Variants in MYBL1 observed in about 807,000 individuals in gnomAD.
MYBL1 encodes the protein MYB proto-oncogene like 1.
A neutral mutation model predicts 96.3 loss-of-function variants in MYBL1; 17 were observed. That is an observed-to-expected ratio of 0.18 (90% CI 0.12 to 0.26). The LOEUF is 0.26. Ranked by LOEUF, MYBL1 falls within the 10% of genes least tolerant of loss-of-function variation. The pLI is 1.00. For missense variants in MYBL1, 701 were observed against 882.9 expected, an observed-to-expected ratio of 0.79 and a Z score of 2.61; for synonymous variants, 282 against 292.7, an observed-to-expected ratio of 0.96 and a Z score of 0.37.
At position 66,563,423 on chromosome 8, in the gene MYBL1, T is replaced by C. The variant is rs1402590131; in HGVS notation, c.*1274A>G. On this transcript the variant is annotated 3_prime_UTR_variant, in exon 16 of 16. Transcript: ENST00000522677. ...TACCACAAAAGCAAATAAAAATTCT[T>C]TCAAGAAGAAATAAAATAAGTGCAA... 6.6e-6 allele frequency: 1 copy of C among 152,546 alleles called. No individual in the cohort carries two copies. The highest frequency in any genetic ancestry group is 2.4e-5 in the African/African-American group (1 of 41,432). 9.4% of individuals were successfully genotyped at this position (152,546 alleles called of 1,614,324 possible).
Position 66,594,298 on chromosome 8 carries a change from A to G in MYBL1, c.688-1104T>C, listed in dbSNP as rs188803429. Among the ~76,000 whole-genome samples the G allele has an allele frequency of 4.3e-4, 66 of 152,314 alleles. No individual in the cohort carries two copies. In the Middle Eastern group the frequency reaches 0.01, roughly 24 times the overall value. On this transcript the variant is annotated intron_variant, in intron 6 of 15. Transcript: ENST00000522677. ...CTCGATTAGTACCACTTATTGCTCA[A>G]CTTGGTAACTCTAATGAATTAGAAA...
intron 8 of MYBL1, among the ~76,000 whole-genome samples, chr8:66,583,902 T>C (rs545555870): frequency 1.8e-4 from 28 of 152,296 alleles, no homozygotes; most frequent in African/African-American, 6.7e-4. Context: ...GAACTATCAA[T>C]TCTTTTCCAA....
intron 1 of MYBL1, among the ~76,000 whole-genome samples, chr8:66,605,478 C>A (rs1442519471): frequency 6.6e-6 from 1 of 152,072 alleles, no homozygotes; most frequent in Non-Finnish European, 1.5e-5. Context: ...AAAGAAAAAG[C>A]AATTTTAAAG....
At position 66,589,358 on chromosome 8, in the gene MYBL1, G is replaced by A. The variant is rs1271298572; in HGVS notation, c.867+3082C>T. Among the ~76,000 whole-genome samples, 4 of 151,612 alleles carry A rather than the reference G, an allele frequency of 2.6e-5. No homozygotes were observed. In the South Asian group the frequency reaches 8.3e-4, roughly 32 times the overall value. On this transcript the variant is annotated intron_variant, in intron 8 of 15. Coordinates refer to ENST00000522677, the MANE Select transcript of MYBL1 (RefSeq NM_001080416.4). ...GACAGGTTCTTGCTCTGTCACCCAG[G>A]CTGAAGTGCAGTGATATGATCATAG... is the stretch of plus-strand genomic sequence containing the variant.
chr8:66,573,543 A>G lies in MYBL1; in HGVS notation c.1471-37T>C, dbSNP rs368926594. 15 of 1,527,528 alleles carry G rather than the reference A, an allele frequency of 9.8e-6. No homozygotes were observed. In the African/African-American group the frequency reaches 1.8e-4, roughly 18 times the overall value. The allele number at this position is 1,527,528 out of a possible 1,614,324, so 94.6% of individuals were successfully genotyped here. On this transcript the variant is annotated intron_variant, in intron 10 of 15. Transcript: ENST00000522677. ...AGAGAGTTTAAAGACGACTTCTAGA[A>G]CATCAAAATCCCTACACAAATATTA...
At chr8:66,604,228 A>G (rs1428292977) in intron 1 of MYBL1, among the ~76,000 whole-genome samples, 1 of 152,186 alleles carries the variant, frequency 6.6e-6, no homozygotes, top group East Asian at 1.9e-4. Flanking sequence ...CTGGGTAGCC[A>G]TTTTTTAAAA....
intron 8 of MYBL1, among the ~76,000 whole-genome samples, chr8:66,589,883 AACATAGGGAAATCTCGTCTCT>A (rs1809569204): frequency 6.6e-6 from 1 of 152,176 alleles, no homozygotes; most frequent in Non-Finnish European, 1.5e-5. Context: ...CAGAAACTGC[AACATAGGGAAATCTCGTCTCT>A]ACAAAAAGTA....
intron 5 of MYBL1, among the ~76,000 whole-genome samples, 190 bp downstream of exon 5, chr8:66,597,140 A>G (rs1422620125): frequency 6.6e-6 from 1 of 152,182 alleles, no homozygotes; most frequent in African/African-American, 2.4e-5. Context: ...ATAATTCATT[A>G]AAAAAGTAAT....
chr8:66,569,309 G>A (rs951784785), intron 12 of MYBL1, among the ~76,000 whole-genome samples: 1 of 150,066 alleles, frequency 6.7e-6, no homozygotes, highest in Non-Finnish European at 1.5e-5. Flanking sequence ...TGGCTGCATA[G>A]TATTCTATGG....
chr8:66,590,682 CA>C (rs1220309492), intron 8 of MYBL1, among the ~76,000 whole-genome samples: 18 of 146,436 alleles, frequency 1.2e-4, no homozygotes, highest in African/African-American at 3.5e-4. Flanking sequence ...GACTCTGTCT[CA>C]AAAAAAAATA....
At chr8:66,611,071 A>G (rs1172012998) in intron 1 of MYBL1, among the ~76,000 whole-genome samples, 3 of 152,210 alleles carry the variant, frequency 2.0e-5, no homozygotes, top group African/African-American at 7.2e-5. Context: ...TTTGTCCATT[A>G]TTATGAAACA....
intron 7 of MYBL1, 65 bp from the exon 8 acceptor site, chr8:66,592,609 C>G: frequency 1.1e-6 from 1 of 938,442 alleles, no homozygotes; most frequent in Non-Finnish European, 1.6e-6. Flanking sequence ...TTAGTATTCT[C>G]ATTTTTATTT....
intron 8 of MYBL1, among the ~76,000 whole-genome samples, chr8:66,581,026 AAT>A (rs1809190871): frequency 6.6e-6 from 1 of 151,696 alleles, no homozygotes; most frequent in African/African-American, 2.4e-5. Flanking sequence ...ACACCCGGTT[AAT>A]TTTTTGTATT....
intron 6 of MYBL1, among the ~76,000 whole-genome samples, chr8:66,594,794 C>T (rs1376959217): frequency 6.6e-6 from 1 of 152,044 alleles, no homozygotes; most frequent in East Asian, 1.9e-4. Flanking sequence ...TAACAATGTC[C>T]ACAAAATGTC....
In MYBL1 at chr8:66,606,789, G is replaced by GT. The variant is rs531370971; in HGVS notation, c.21-4267dup. The stretch of plus-strand genomic sequence containing the variant: ...ACCAGTTCTCCTTCCATACATGGCT[G>GT]TTTTTTTTTTTTCTTTTTTGAGATG... On this transcript the variant is annotated intron_variant, in intron 1 of 15. Transcript: ENST00000522677. 7.0e-3 allele frequency among the ~76,000 whole-genome samples: 1,011 copies of GT among 144,618 alleles called. 12 individuals are homozygous for GT. The highest frequency in any genetic ancestry group is 0.015 in the African/African-American group (585 of 39,894). The allele number at this position is 144,618 out of a possible 152,430, so 94.9% of individuals were successfully genotyped here. A position where few individuals can be genotyped will look rare whatever the true frequency, so the allele number is the denominator to read the frequency against.
At chr8:66,568,411 C>G (rs1479322512) in intron 12 of MYBL1, among the ~76,000 whole-genome samples, 1 of 152,046 alleles carries the variant, frequency 6.6e-6, no homozygotes. Context: ...CTCAGCCTCC[C>G]GAGTAGCTGG....
At chr8:66,576,645 ATTAAG>A (rs1447253092) in intron 9 of MYBL1, among the ~76,000 whole-genome samples, 3 of 152,124 alleles carry the variant, frequency 2.0e-5, no homozygotes, top group African/African-American at 7.3e-5. Context: ...ATTATCAAAA[ATTAAG>A]TTATTATCAA....
At chr8:66,589,452 C>CT (rs1220380414) in intron 8 of MYBL1, among the ~76,000 whole-genome samples, 2 of 151,930 alleles carry the variant, frequency 1.3e-5, no homozygotes, top group African/African-American at 4.8e-5. Context: ...GTAGCTGGGA[C>CT]TACAGGCACG....
chr8:66,576,429 C>T (rs1808951674), intron 9 of MYBL1, 54 bp from the exon 10 acceptor site: 1 of 1,509,400 alleles, frequency 6.6e-7, no homozygotes, highest in Non-Finnish European at 8.9e-7. Flanking sequence ...GTTAAATCTG[C>T]TCTTGAACAC....
Sources: allele counts gnomAD v4.1 joint callset (sites outside exome capture counted in the v4.1 genomes callset), GRCh38; gene constraint gnomAD v4.1.1; transcripts MANE v1.5; gene names NCBI Gene and HGNC (gene_info 2026-07-23, HGNC 2026-07-21).